Variants in LRRN3 observed in about 807,000 individuals in gnomAD.
LRRN3 encodes the protein leucine-rich repeat neuronal protein 3.
A neutral mutation model predicts 40.1 loss-of-function variants in LRRN3; 15 were observed. The observed-to-expected ratio is 0.37, with a 90% CI of 0.25 to 0.58. The LOEUF (loss-of-function observed/expected upper bound fraction) is 0.58, where lower values mean the gene tolerates loss of function less well. Ranked by LOEUF, LRRN3 falls within the 20% of genes least tolerant of loss-of-function variation. The probability of loss-of-function intolerance (pLI) is 0.72; values close to 1 mark genes in which losing one functional copy is unlikely to be tolerated. For missense variants in LRRN3, 746 were observed against 837.7 expected, an observed-to-expected ratio of 0.89 and a Z score of 1.35; for synonymous variants, 308 against 297.2, an observed-to-expected ratio of 1.04 and a Z score of -0.37.
intron 2 of LRRN3, among the ~76,000 whole-genome samples, chr7:111,100,357 T>C (rs1797840510): frequency 6.7e-6 from 1 of 150,082 alleles, no homozygotes; most frequent in African/African-American, 2.4e-5. Context: ...TTTCTACAGT[T>C]TTAAACTTCT....
At chr7:111,101,442 A>T (rs2129580183) in intron 2 of LRRN3, among the ~76,000 whole-genome samples, 1 of 151,672 alleles carries the variant, frequency 6.6e-6, no homozygotes, top group Admixed American at 6.6e-5. Context: ...AGTAACACCT[A>T]AGAATCCATA....
intron 2 of LRRN3, among the ~76,000 whole-genome samples, chr7:111,116,662 T>C (rs1799915606): frequency 1.3e-5 from 2 of 152,146 alleles, no homozygotes; most frequent in African/African-American, 4.8e-5. Flanking sequence ...GTGATTACTC[T>C]CACATAGCAA....
chr7:111,119,654 T>C (rs1800344465), intron 2 of LRRN3, among the ~76,000 whole-genome samples: 1 of 152,204 alleles, frequency 6.6e-6, no homozygotes, highest in Non-Finnish European at 1.5e-5. Context: ...ATAGAATTAC[T>C]TAAGTAACAT....
rs538016444 is a variant in LRRN3, at chr7:111,120,427, A to C, written c.-358-1988A>C. On this transcript the variant is annotated intron_variant, in intron 2 of 2. Transcript: ENST00000308478. ...CATCAGATCTCCTGAGACTTATTTC[A>C]CTACCATGAGCATGGGGGAAACTGC... 2.0e-5 allele frequency among the ~76,000 whole-genome samples: 3 copies of C among 152,100 alleles called. No individual in the cohort carries two copies. The South Asian group carries it at 6.2e-4, about 32-fold the overall frequency.
intron 2 of LRRN3, among the ~76,000 whole-genome samples, chr7:111,114,953 G>GACAGGC (rs1379544453): frequency 3.3e-5 from 5 of 152,064 alleles, no homozygotes; most frequent in African/African-American, 1.2e-4. Context: ...TAATTTTACA[G>GACAGGC]ACAGGCATCA....
rs781326627 is a variant in LRRN3, at chr7:111,119,110, C to G, written c.-358-3305C>G. Reference sequence around the variant, plus strand: ...GTTAACTTAAAGAAGGATATAGGTACCTCTCTGCTCTGCTGGAGAAAGCAG... The same window carrying G: ...GTTAACTTAAAGAAGGATATAGGTAGCTCTCTGCTCTGCTGGAGAAAGCAG... On this transcript the variant is annotated intron_variant, in intron 2 of 2. Coordinates refer to ENST00000308478, the MANE Select transcript of LRRN3 (RefSeq NM_001099658.2). Among the ~76,000 whole-genome samples the G allele has an allele frequency of 1.4e-4, 21 of 152,124 alleles. 1 individual carries two copies. The highest frequency in any genetic ancestry group is 7.2e-4 in the Admixed American group (11 of 15,264).
intron 2 of LRRN3, among the ~76,000 whole-genome samples, chr7:111,118,631 A>G (rs1800182999): frequency 6.6e-6 from 1 of 152,138 alleles, no homozygotes; most frequent in Admixed American, 6.6e-5. Flanking sequence ...AATAATGAAT[A>G]AGAAAAGGCT....
chr7:111,107,420 T>C (rs1272852019), intron 2 of LRRN3, among the ~76,000 whole-genome samples: 1 of 152,060 alleles, frequency 6.6e-6, no homozygotes, highest in Non-Finnish European at 1.5e-5. Context: ...TTTCAACCTC[T>C]TACCACCTTT....
chr7:111,108,277 G>A (rs1312934755), intron 2 of LRRN3, among the ~76,000 whole-genome samples: 1 of 152,086 alleles, frequency 6.6e-6, no homozygotes, highest in Non-Finnish European at 1.5e-5. Flanking sequence ...TTATATTAAT[G>A]TTTATTATTG....
chr7:111,115,626 G>A (rs1644646921), intron 2 of LRRN3, among the ~76,000 whole-genome samples: 2 of 151,804 alleles, frequency 1.3e-5, no homozygotes, highest in South Asian at 4.2e-4. Context: ...ATTAGGGTGA[G>A]ACATTTGCAA....
intron 2 of LRRN3, among the ~76,000 whole-genome samples, chr7:111,106,105 G>A (rs1166233715): frequency 6.6e-6 from 1 of 152,052 alleles, no homozygotes; most frequent in Admixed American, 6.6e-5. Flanking sequence ...GAGGACCTTA[G>A]AACATATAAT....
At chr7:111,093,535 C>T (rs980060564) in intron 1 of LRRN3, among the ~76,000 whole-genome samples, 1 of 152,130 alleles carries the variant, frequency 6.6e-6, no homozygotes, top group Non-Finnish European at 1.5e-5. Flanking sequence ...GCATGCCAGA[C>T]ACACATTCTT....
chr7:111,120,738 T>G (rs991823407), intron 2 of LRRN3, among the ~76,000 whole-genome samples: 1 of 152,160 alleles, frequency 6.6e-6, no homozygotes, highest in African/African-American at 2.4e-5. Context: ...AGTCACTTTA[T>G]GCAAAGGAGA....
At chr7:111,097,372 C>T (rs1003729135) in intron 1 of LRRN3, 22 of 151,776 alleles carry the variant, frequency 1.4e-4, no homozygotes, top group African/African-American at 5.1e-4. Flanking sequence ...TAAGAGACTT[C>T]GTTTTCACTG....
intron 2 of LRRN3, among the ~76,000 whole-genome samples, chr7:111,119,145 A>T (rs957061921): frequency 3.9e-5 from 6 of 152,178 alleles, no homozygotes; most frequent in African/African-American, 1.4e-4. Context: ...GACCTAACGA[A>T]TTAATTGACA....
intron 2 of LRRN3, among the ~76,000 whole-genome samples, chr7:111,112,011 G>A (rs1036900211): frequency 1.9e-4 from 26 of 139,230 alleles, no homozygotes; most frequent in Admixed American, 7.5e-4. Flanking sequence ...GCAGTGGTGC[G>A]ATCTCGGCTC....
intron 2 of LRRN3, among the ~76,000 whole-genome samples, chr7:111,119,580 A>G (rs1308857780): frequency 6.6e-6 from 1 of 152,234 alleles, no homozygotes; most frequent in Non-Finnish European, 1.5e-5. Context: ...ATGTAACACA[A>G]ATTTGATGTT....
At chr7:111,112,047 C>T (rs1188285338) in intron 2 of LRRN3, among the ~76,000 whole-genome samples, 7 of 147,278 alleles carry the variant, frequency 4.8e-5, no homozygotes, top group South Asian at 4.3e-4. Context: ...TCCTGGGTTC[C>T]GGTGATTCTC....
At chr7:111,105,614 T>C (rs939667512) in intron 2 of LRRN3, among the ~76,000 whole-genome samples, 1 of 151,822 alleles carries the variant, frequency 6.6e-6, no homozygotes, top group East Asian at 1.9e-4. Context: ...AAGAAACAAA[T>C]ACAACATGTA....
Sources: gnomAD v4.1 joint callset for allele counts (sites outside exome capture counted in the v4.1 genomes callset) on GRCh38, gnomAD v4.1.1 for gene constraint, MANE v1.5 for transcripts, NCBI Gene and HGNC (gene_info 2026-07-23, HGNC 2026-07-21) for gene names.